ANKRD12: variants seen among roughly 807,000 people sequenced by gnomAD.
ANKRD12 encodes the protein ankyrin repeat domain-containing protein 12.
ANKRD12 carries 85 observed loss-of-function variants against 183.4 expected under a neutral mutation model. That is an observed-to-expected ratio of 0.46 (90% confidence interval 0.39 to 0.56). ANKRD12 has a LOEUF of 0.56. ANKRD12 is among the 20% of genes least tolerant of loss of function. The pLI is 0.00. For synonymous variants in ANKRD12, 914 were observed against 800.2 expected, an observed-to-expected ratio of 1.14 and a Z score of -2.40; for missense variants, 2,405 against 2,357.1, an observed-to-expected ratio of 1.02 and a Z score of -0.42.
chr18:9,275,485 T>C, intron 10 of ANKRD12, 39 bp from the exon 11 acceptor site: 1 of 1,584,388 alleles, frequency 6.3e-7, no homozygotes, highest in Admixed American at 1.7e-5. Flanking sequence ...CAAAAATTTG[T>C]TGAAGAATTT....
chr18:9,256,492 A>C lies in ANKRD12; in HGVS notation c.3225A>C (p.Leu1075Phe). 1 of 1,612,464 alleles carries C rather than the reference A, an allele frequency of 6.2e-7. No individual in the cohort carries two copies. Among genetic ancestry groups the C allele is most frequent in the East Asian group, 2.2e-5 (1 of 44,844 alleles). ...AAAAGAGGTTAGTGAATGATGATTTAATGCAGACAAGTTTTGAACGAATGC... is the reference window on the plus strand; with the variant it reads ...AAAAGAGGTTAGTGAATGATGATTTCATGCAGACAAGTTTTGAACGAATGC... ...PKEKRLVNDD[L>F]MQTSFERMLS... Residue 1075 changes from leucine to phenylalanine, a missense_variant, in exon 9 of 13, where the codon TTA (leucine) becomes TTC (phenylalanine). Leu to Phe is a conservative substitution (Grantham distance 22). Coordinates refer to ENST00000262126, the MANE Select transcript of ANKRD12 (RefSeq NM_015208.5).
intron 1 of ANKRD12, among the ~76,000 whole-genome samples, chr18:9,162,164 A>G (rs1598422334): frequency 6.6e-6 from 1 of 152,152 alleles, no homozygotes; most frequent in Non-Finnish European, 1.5e-5. Context: ...AGCATCCATT[A>G]GCTATTCTTC....
At chr18:9,194,746 A>G (rs2034670429) in intron 2 of ANKRD12, among the ~76,000 whole-genome samples, 2 of 152,194 alleles carry the variant, frequency 1.3e-5, no homozygotes, top group South Asian at 2.1e-4. Context: ...CTACATCTAG[A>G]TATAATGGTT....
chr18:9,185,847 C>T (rs1470441393), intron 2 of ANKRD12, among the ~76,000 whole-genome samples: 1 of 152,182 alleles, frequency 6.6e-6, no homozygotes, highest in Non-Finnish European at 1.5e-5. Context: ...AAAGATGAGG[C>T]CATTGAAACA....
At chr18:9,232,707 C>T (rs2037121135) in intron 8 of ANKRD12, among the ~76,000 whole-genome samples, 1 of 152,056 alleles carries the variant, frequency 6.6e-6, no homozygotes, top group African/African-American at 2.4e-5. Flanking sequence ...GTTTTTCATC[C>T]CTTTTGTTCT....
chr18:9,280,788 CA>C lies in ANKRD12; in HGVS notation c.6004-143del, dbSNP rs879456606. 1.1e-4 allele frequency among the ~76,000 whole-genome samples: 15 copies of C among 142,544 alleles called. No individual in the cohort carries two copies. In the East Asian group the frequency reaches 2.2e-3, roughly 21 times the overall value. 93.5% of individuals were successfully genotyped at this position (142,544 alleles called of 152,430 possible). A position where few individuals can be genotyped will look rare whatever the true frequency, so the allele number is the denominator to read the frequency against. ...TGGGAGACAGAGCAAGACTCTGTCT[CA>C]AAAAAAAAAGAAAGAAATGGACTTG... On this transcript the variant is annotated intron_variant, in intron 12 of 12. Transcript: ENST00000262126.
chr18:9,234,586 C>T (rs2037237240), intron 8 of ANKRD12, among the ~76,000 whole-genome samples: 1 of 152,120 alleles, frequency 6.6e-6, no homozygotes, highest in Non-Finnish European at 1.5e-5. Flanking sequence ...CCACTATAGT[C>T]CTCTGGGTGG....
At chr18:9,230,835 T>A (rs4798788) in intron 8 of ANKRD12, among the ~76,000 whole-genome samples, 79,358 of 148,882 alleles carry the variant, frequency 0.53, 22,826 homozygotes, top group South Asian at 0.75. Context: ...ATTTTTGTAT[T>A]TTTTTTTTTT....
intron 7 of ANKRD12, 32 bp downstream of exon 7, chr18:9,216,932 C>T (rs1349925405): frequency 1.9e-6 from 3 of 1,599,174 alleles, no homozygotes; most frequent in Admixed American, 1.7e-5. Flanking sequence ...CAATAATACA[C>T]ATTTGCAAAA....
intron 1 of ANKRD12, among the ~76,000 whole-genome samples, chr18:9,169,252 T>G (rs1298012302): frequency 6.6e-6 from 1 of 152,206 alleles, no homozygotes; most frequent in African/African-American, 2.4e-5. Flanking sequence ...AGAGCTGAGT[T>G]CAGTTCCTGG....
At position 9,281,441 on chromosome 18, in the gene ANKRD12, T is replaced by C. The variant is rs1296175537; in HGVS notation, c.*315T>C. 1 of 180,102 alleles carries C rather than the reference T, an allele frequency of 5.6e-6. No homozygotes were observed. The highest frequency in any genetic ancestry group is 1.1e-5 in the Non-Finnish European group (1 of 87,182). The allele number at this position is 180,102 out of a possible 1,614,324, so 11.2% of individuals were successfully genotyped here. On this transcript the variant is annotated 3_prime_UTR_variant, in exon 13 of 13. Coordinates refer to ENST00000262126, the MANE Select transcript of ANKRD12 (RefSeq NM_015208.5). ...ACAGCGCTGGAAGTTGTTAGCGCTC[T>C]AAGTAATAAGATAACCACTAGTATT... is the stretch of plus-strand genomic sequence containing the variant.
chr18:9,238,123 T>C (rs1027806154), intron 8 of ANKRD12, among the ~76,000 whole-genome samples: 3 of 152,226 alleles, frequency 2.0e-5, no homozygotes, highest in African/African-American at 7.2e-5. Flanking sequence ...TTCTCTTGCC[T>C]TGGTTCTTGG....
At chr18:9,157,666 G>T (rs2030812766) in intron 1 of ANKRD12, among the ~76,000 whole-genome samples, 2 of 143,120 alleles carry the variant, frequency 1.4e-5, no homozygotes, top group South Asian at 4.5e-4. Context: ...GCAGTGGCAT[G>T]ATCTCGACTC....
At chr18:9,225,851 A>G (rs1299951225) in intron 8 of ANKRD12, among the ~76,000 whole-genome samples, 10 of 152,036 alleles carry the variant, frequency 6.6e-5, no homozygotes, top group African/African-American at 9.7e-5. Flanking sequence ...GAATTGTATA[A>G]TGAACATCCT....
rs542903579 is a variant in ANKRD12, at chr18:9,275,656, T to C, written c.5896T>C (p.Leu1966=). The C allele has an allele frequency of 1.7e-5, 27 of 1,573,960 alleles. No individual in the cohort carries two copies. The Middle Eastern group carries it at 5.1e-4, about 30-fold the overall frequency. The change falls in exon 11 of 13, where the codon TTG becomes CTG. Residue 1966 remains leucine, a synonymous_variant. Coordinates refer to ENST00000262126, the MANE Select transcript of ANKRD12 (RefSeq NM_015208.5). Reference sequence around the variant, plus strand: ...GGATGCCGAAGTATACAATGTACCATTGGACTCTCAGGTAAAATGTTTGTT... The same window carrying C: ...GGATGCCGAAGTATACAATGTACCACTGGACTCTCAGGTAAAATGTTTGTT... The part of the protein sequence containing the change: ...LLDAEVYNVP[L]DSQSDDSKTS...
At chr18:9,176,553 A>T (rs1428796905) in intron 1 of ANKRD12, among the ~76,000 whole-genome samples, 1 of 152,138 alleles carries the variant, frequency 6.6e-6, no homozygotes, top group East Asian at 1.9e-4. Context: ...AGCCTCCCAA[A>T]GTGCTGGGAT....
At position 9,256,022 on chromosome 18, in the gene ANKRD12, G is replaced by A; in HGVS notation, c.2755G>A (p.Glu919Lys). Residue 919 changes from glutamate to lysine, a missense_variant, in exon 9 of 13, where the codon GAG becomes AAG. By Grantham distance (56) the Glu-to-Lys change is moderately conservative. Coordinates refer to ENST00000262126, the MANE Select transcript of ANKRD12 (RefSeq NM_015208.5). ...RKHDKEKPEK[E>K]RHLAESKEKH... ...ACATGACAAAGAAAAGCCTGAAAAA[G>A]AGAGGCATCTAGCAGAAAGCAAAGA... The A allele has an allele frequency of 6.4e-7, 1 of 1,559,062 alleles. No individual in the cohort carries two copies. The highest frequency in any genetic ancestry group is 8.6e-7 in the Non-Finnish European group (1 of 1,161,094).
chr18:9,205,917 GA>G (rs2035461659), intron 4 of ANKRD12, among the ~76,000 whole-genome samples: 1 of 151,986 alleles, frequency 6.6e-6, no homozygotes, highest in Non-Finnish European at 1.5e-5. Flanking sequence ...AGTTCCCTAA[GA>G]AAAACAATTT....
intron 1 of ANKRD12, among the ~76,000 whole-genome samples, chr18:9,160,700 G>A (rs1348094582): frequency 6.6e-6 from 1 of 152,122 alleles, no homozygotes; most frequent in East Asian, 1.9e-4. Flanking sequence ...TGGTAACCAG[G>A]GAAGTTTGCG....
Sources: gnomAD v4.1 joint callset for allele counts (sites outside exome capture counted in the v4.1 genomes callset) on GRCh38, gnomAD v4.1.1 for gene constraint, MANE v1.5 for transcripts, NCBI Gene and HGNC (gene_info 2026-07-23, HGNC 2026-07-21) for gene names.